CSNK1G1: variants seen among roughly 807,000 people sequenced by gnomAD.
The protein encoded by CSNK1G1 is casein kinase 1 gamma 1.
In CSNK1G1, 22 loss-of-function variants were observed where a neutral mutation model predicts 59.6. That is an observed-to-expected ratio of 0.37 (90% CI 0.26 to 0.53). The LOEUF (loss-of-function observed/expected upper bound fraction) is 0.53. Ranked by LOEUF, CSNK1G1 falls within the 20% of genes least tolerant of loss-of-function variation. The pLI, the probability that CSNK1G1 is intolerant of heterozygous loss-of-function variation, is 0.89. For synonymous variants in CSNK1G1, 179 were observed against 177.1 expected (o/e 1.01, Z -0.08); for missense variants, 384 against 519.5 (o/e 0.74, Z 2.54).
intron 2 of CSNK1G1, among the ~76,000 whole-genome samples, chr15:64,293,906 G>A (rs1894873852): frequency 6.6e-6 from 1 of 152,110 alleles, no homozygotes; most frequent in African/African-American, 2.4e-5. Context: ...GGTCCCTGGT[G>A]CCAAAAAAGT....
In CSNK1G1 at chr15:64,308,869, C is replaced by CCTGG. The variant is rs1357496276; in HGVS notation, c.-224-8150_-224-8147dup. Among the ~76,000 whole-genome samples, 7 of 148,858 alleles carry CCTGG rather than the reference C, an allele frequency of 4.7e-5. No individual in the cohort carries two copies. The Admixed American group carries it at 4.8e-4, about 10-fold the overall frequency. ...CCAAGATCACGCCACTGCACTCCAGCCTGGGCGACAGAGTGAGACTCTGTC... is the reference window on the plus strand; with the variant it reads ...CCAAGATCACGCCACTGCACTCCAGCCTGGCTGGGCGACAGAGTGAGACTCTGTC... On this transcript the variant is annotated intron_variant, in intron 1 of 11. Transcript: ENST00000303052.
At chr15:64,259,761 C>T (rs113862722) in intron 2 of CSNK1G1, among the ~76,000 whole-genome samples, 1,960 of 152,224 alleles carry the variant, frequency 0.013, 21 homozygotes, top group Middle Eastern at 0.024. Flanking sequence ...GAGAATTCAT[C>T]TACTGCTTGT....
intron 2 of CSNK1G1, among the ~76,000 whole-genome samples, chr15:64,281,712 C>T (rs1197774778): frequency 1.3e-5 from 2 of 151,146 alleles, no homozygotes; most frequent in Admixed American, 6.6e-5. Flanking sequence ...TGGTGGCGAG[C>T]GCCTGTAATC....
chr15:64,187,383 A>G (rs2081912223), intron 10 of CSNK1G1, among the ~76,000 whole-genome samples: 1 of 150,824 alleles, frequency 6.6e-6, no homozygotes, highest in Non-Finnish European at 1.5e-5. Flanking sequence ...TATTTATAGT[A>G]CAGATGGGGT....
intron 1 of CSNK1G1, among the ~76,000 whole-genome samples, chr15:64,314,897 T>C (rs1296361611): frequency 6.6e-6 from 1 of 152,214 alleles, no homozygotes; most frequent in African/African-American, 2.4e-5. Flanking sequence ...CTTAGGTTGA[T>C]TCCATAACTT....
intron 1 of CSNK1G1, among the ~76,000 whole-genome samples, chr15:64,326,098 C>T (rs1203598013): frequency 1.3e-5 from 2 of 152,220 alleles, no homozygotes; most frequent in African/African-American, 4.8e-5. Context: ...AATCTTGGCT[C>T]ATTGCAACCT....
intron 1 of CSNK1G1, among the ~76,000 whole-genome samples, chr15:64,324,603 A>G (rs963074901): frequency 6.6e-6 from 1 of 152,118 alleles, no homozygotes; most frequent in Non-Finnish European, 1.5e-5. Flanking sequence ...CCTACTTTTG[A>G]GGTTTTGGGA....
chr15:64,324,986 A>C (rs1261424407), intron 1 of CSNK1G1, among the ~76,000 whole-genome samples: 1 of 152,230 alleles, frequency 6.6e-6, no homozygotes, highest in African/African-American at 2.4e-5. Context: ...TGAAATTATT[A>C]CCATACAGTC....
At chr15:64,255,327 A>G (rs12102219) in intron 3 of CSNK1G1, among the ~76,000 whole-genome samples, 29,695 of 151,922 alleles carry the variant, frequency 0.2, 4,053 homozygotes, top group African/African-American at 0.39. Context: ...CACCCACCTC[A>G]GCCTCCCAAA....
chr15:64,263,893 C>T (rs1833922282), intron 2 of CSNK1G1, among the ~76,000 whole-genome samples: 1 of 150,858 alleles, frequency 6.6e-6, no homozygotes, highest in South Asian at 2.1e-4. Flanking sequence ...AAGCCAGCAC[C>T]CAATTTCATA....
At chr15:64,316,713 G>C (rs1184465179) in intron 1 of CSNK1G1, 1 of 151,998 alleles carries the variant, frequency 6.6e-6, no homozygotes, top group Non-Finnish European at 1.5e-5. Context: ...CTGAGCCCTG[G>C]GCCTGGTAGT....
At position 64,343,236 on chromosome 15, in the gene CSNK1G1, C is replaced by CACACACACACACACACACACACACA. The variant is rs1555405238; in HGVS notation, c.-225+12751_-225+12752insTGTGTGTGTGTGTGTGTGTGTGTGT. ...ACACACACACACACACACACACACA[C>CACACACACACACACACACACACACA]CTCTTCTAAAATAGACCCCATTCTG... On this transcript the variant is annotated intron_variant, in intron 1 of 11. Transcript: ENST00000303052. 4.4e-4 allele frequency among the ~76,000 whole-genome samples: 66 copies of CACACACACACACACACACACACACA among 150,780 alleles called. 1 individual carries two copies. Among genetic ancestry groups the CACACACACACACACACACACACACA allele is most frequent in the East Asian group, 1.6e-3 (8 of 5,092 alleles).
chr15:64,274,203 G>A (rs1266437853), intron 2 of CSNK1G1, among the ~76,000 whole-genome samples: 1 of 152,132 alleles, frequency 6.6e-6, no homozygotes, highest in East Asian at 1.9e-4. Flanking sequence ...GCTAAGCATT[G>A]CCTCAAATGA....
chr15:64,203,058 A>C, intron 10 of CSNK1G1, 24 bp downstream of exon 10: 1 of 1,556,550 alleles, frequency 6.4e-7, no homozygotes, highest in Non-Finnish European at 8.9e-7. Flanking sequence ...GTAGTGTCTG[A>C]AAGAATGGAG....
At chr15:64,244,304 C>G (rs1891635747) in intron 4 of CSNK1G1, among the ~76,000 whole-genome samples, 1 of 145,986 alleles carries the variant, frequency 6.8e-6, no homozygotes, top group Admixed American at 6.8e-5. Flanking sequence ...TAAATTCAAC[C>G]AAGGATATGA....
rs922103876 is a variant in CSNK1G1 at position 64,165,888 on chromosome 15, C to T, written c.*6043G>A. 1.0e-5 allele frequency: 5 copies of T among 501,732 alleles called. No individual in the cohort carries two copies. The highest frequency in any genetic ancestry group is 6.0e-5 in the African/African-American group (3 of 50,262). The allele number at this position is 501,732 out of a possible 1,614,324, so 31.1% of individuals were successfully genotyped here. On this transcript the variant is annotated 3_prime_UTR_variant, in exon 12 of 12. Transcript: ENST00000303052. The stretch of plus-strand genomic sequence containing the variant: ...GCTACTCTGAGATCACATATCAGAA[C>T]CCATTTTCCATTTTCTCCAAAGAAG...
At chr15:64,337,116 T>C (rs1224523378) in intron 1 of CSNK1G1, among the ~76,000 whole-genome samples, 1 of 152,008 alleles carries the variant, frequency 6.6e-6, no homozygotes, top group African/African-American at 2.4e-5. Context: ...TAATCCCAGC[T>C]ACTCAGGAGG....
intron 1 of CSNK1G1, among the ~76,000 whole-genome samples, chr15:64,324,582 C>A (rs1394394010): frequency 6.6e-6 from 1 of 152,270 alleles, no homozygotes; most frequent in Non-Finnish European, 1.5e-5. Flanking sequence ...GGAGGCTGCA[C>A]TGTCTGCTTC....
chr15:64,316,298 A>C (rs980722165), intron 1 of CSNK1G1, among the ~76,000 whole-genome samples: 4 of 152,234 alleles, frequency 2.6e-5, no homozygotes, highest in Non-Finnish European at 5.9e-5. Context: ...ACACTTTGGG[A>C]GGCCAAGGCG....
Sources: gnomAD v4.1 joint callset for allele counts (sites outside exome capture counted in the v4.1 genomes callset) on GRCh38, gnomAD v4.1.1 for gene constraint, MANE v1.5 for transcripts, NCBI Gene and HGNC (gene_info 2026-07-23, HGNC 2026-07-21) for gene names.